The following EPB41L5 variants were observed in gnomAD, a reference collection of about 807,000 sequenced individuals.
EPB41L5 encodes the protein band 4.1-like protein 5.
EPB41L5 carries 55 observed loss-of-function variants against 106.6 expected under a neutral mutation model. The observed-to-expected ratio is 0.52, with a 90% CI of 0.42 to 0.65. The LOEUF is 0.65. EPB41L5 is among the 30% of genes least tolerant of loss of function. EPB41L5 has a pLI of 0.00. For synonymous variants in EPB41L5, 297 were observed against 306.7 expected (o/e 0.97, Z 0.33); for missense variants, 871 against 882.1 (o/e 0.99, Z 0.16).
intron 24 of EPB41L5, 115 bp from the exon 25 acceptor site, chr2:120,174,726 T>G: frequency 1.2e-6 from 1 of 847,182 alleles, no homozygotes; most frequent in Non-Finnish European, 2.1e-6. Flanking sequence ...CATATTGACT[T>G]AGGTCTGTAA....
At chr2:120,162,108 G>T (rs976451986) in intron 21 of EPB41L5, among the ~76,000 whole-genome samples, 2 of 152,128 alleles carry the variant, frequency 1.3e-5, no homozygotes, top group African/African-American at 4.8e-5. Flanking sequence ...GGGATTATAG[G>T]CAGCCTAAGT....
chr2:120,169,237 A>T (rs1213429250), intron 24 of EPB41L5, among the ~76,000 whole-genome samples: 2 of 152,252 alleles, frequency 1.3e-5, no homozygotes, highest in Non-Finnish European at 2.9e-5. Context: ...TGCTGTAAGG[A>T]AAGAATGGTC....
In EPB41L5 at chr2:120,046,504, GT is replaced by G. The variant is rs1294255099; in HGVS notation, c.285+4407del. Among the ~76,000 whole-genome samples the G allele has an allele frequency of 9.3e-4, 133 of 142,886 alleles. 1 individual carries two copies. Among genetic ancestry groups the G allele is most frequent in the East Asian group, 1.2e-3 (6 of 4,936 alleles). 93.7% of individuals were successfully genotyped at this position (142,886 alleles called of 152,430 possible). Reference sequence around the variant, plus strand: ...CTTTCGCCCACTTTTTGATGGGGTTGTTTTTTTTTTTTTCTTGTAAATTTGT... The same window carrying G: ...CTTTCGCCCACTTTTTGATGGGGTTGTTTTTTTTTTTTCTTGTAAATTTGT... On this transcript the variant is annotated intron_variant, in intron 3 of 24. Transcript: ENST00000263713.
chr2:120,093,358 C>T (rs1683541312), intron 14 of EPB41L5, 82 bp downstream of exon 14: 1 of 1,153,490 alleles, frequency 8.7e-7, no homozygotes, highest in South Asian at 1.2e-5. Context: ...TATTTAAGAC[C>T]TATCAAAATG....
chr2:120,135,755 C>G (rs1685897162), intron 18 of EPB41L5, among the ~76,000 whole-genome samples: 2 of 151,954 alleles, frequency 1.3e-5, no homozygotes, highest in Admixed American at 6.6e-5. Flanking sequence ...TTTGAAGATA[C>G]CCTTCAAACA....
intron 11 of EPB41L5, 133 bp from the exon 12 acceptor site, chr2:120,090,214 A>G: frequency 1.7e-6 from 1 of 598,634 alleles, no homozygotes; most frequent in Non-Finnish European, 2.7e-6. Flanking sequence ...TATTATGTTG[A>G]TACTATAAAG....
chr2:120,037,420 A>G (rs1471588980), intron 2 of EPB41L5, among the ~76,000 whole-genome samples: 6 of 152,252 alleles, frequency 3.9e-5, no homozygotes, highest in Admixed American at 1.3e-4. Flanking sequence ...TCTAAAATCC[A>G]TATGGAATCT....
At chr2:120,065,243 AACTGGGGG>A (rs1223409434) in intron 3 of EPB41L5, among the ~76,000 whole-genome samples, 1 of 152,006 alleles carries the variant, frequency 6.6e-6, no homozygotes, top group Non-Finnish European at 1.5e-5. Context: ...CCTCCCAAAT[AACTGGGGG>A]ACTGTAGGCA....
intron 20 of EPB41L5, among the ~76,000 whole-genome samples, chr2:120,147,573 C>T (rs1200565002): frequency 2.8e-5 from 4 of 145,244 alleles, no homozygotes; most frequent in South Asian, 2.1e-4. Context: ...TGCAGTGAGC[C>T]GTGATCGTGC....
At chr2:120,123,897 A>G (rs554299118) in intron 16 of EPB41L5, among the ~76,000 whole-genome samples, 7 of 152,040 alleles carry the variant, frequency 4.6e-5, no homozygotes, top group East Asian at 3.9e-4. Context: ...GACTCCAGCA[A>G]TCCTCCCACC....
At chr2:120,155,859 G>A (rs536158612) in intron 20 of EPB41L5, among the ~76,000 whole-genome samples, 2 of 152,058 alleles carry the variant, frequency 1.3e-5, no homozygotes, top group African/African-American at 4.8e-5. Context: ...CCACACACTG[G>A]GGCTTGCTTC....
chr2:120,111,651 A>G (rs1302019306), intron 16 of EPB41L5, among the ~76,000 whole-genome samples: 1 of 151,786 alleles, frequency 6.6e-6, no homozygotes, highest in Non-Finnish European at 1.5e-5. Flanking sequence ...TACCATCTTT[A>G]CTGCTCCCAT....
intron 16 of EPB41L5, among the ~76,000 whole-genome samples, chr2:120,107,702 A>G (rs150665454): frequency 3.3e-4 from 50 of 152,306 alleles, no homozygotes; most frequent in African/African-American, 1.1e-3. Flanking sequence ...CCCCTTTTGC[A>G]GAACATAAAC....
intron 21 of EPB41L5, among the ~76,000 whole-genome samples, chr2:120,161,998 C>T (rs1472434165): frequency 6.6e-6 from 1 of 152,176 alleles, no homozygotes; most frequent in African/African-American, 2.4e-5. Context: ...GGAATGTAAG[C>T]TGTGTGAGAG....
At chr2:120,157,462 A>G (rs1686949610) in intron 20 of EPB41L5, among the ~76,000 whole-genome samples, 1 of 152,086 alleles carries the variant, frequency 6.6e-6, no homozygotes, top group Admixed American at 6.5e-5. Flanking sequence ...GGAGATCAAG[A>G]CACAAAAAAA....
intron 3 of EPB41L5, among the ~76,000 whole-genome samples, chr2:120,047,051 T>G (rs1679830191): frequency 6.6e-6 from 1 of 152,224 alleles, no homozygotes; most frequent in South Asian, 2.1e-4. Flanking sequence ...CCATGCTGTT[T>G]TGGTTACTGT....
intron 20 of EPB41L5, among the ~76,000 whole-genome samples, chr2:120,154,309 C>T (rs895327443): frequency 1.6e-4 from 25 of 151,992 alleles, no homozygotes; most frequent in African/African-American, 5.8e-4. Flanking sequence ...CAGGCATGCA[C>T]CACCATGCCC....
In EPB41L5 at chr2:120,074,090, T is replaced by A. The variant is rs747516375; in HGVS notation, c.329-10T>A. On this transcript the variant is annotated splice_polypyrimidine_tract_variant and intron_variant, in intron 4 of 24. Coordinates refer to ENST00000263713, the MANE Select transcript of EPB41L5 (RefSeq NM_020909.4). ...ATTTTATTAAAACCTTTTTTTTTTT[T>A]AAATGACAGTTGGTTCACCCTATTG... 28 of 1,563,986 alleles carry A rather than the reference T, an allele frequency of 1.8e-5. No homozygotes were observed. Among genetic ancestry groups the A allele is most frequent in the Non-Finnish European group, 2.0e-5 (23 of 1,149,548 alleles).
At chr2:120,161,950 G>A (rs1411749965) in intron 21 of EPB41L5, among the ~76,000 whole-genome samples, 1 of 152,132 alleles carries the variant, frequency 6.6e-6, no homozygotes, top group Admixed American at 6.5e-5. Flanking sequence ...CACAAAACTG[G>A]TCCTTGGTGC....
Sources: gnomAD v4.1 joint callset for allele counts (sites outside exome capture counted in the v4.1 genomes callset) on GRCh38, gnomAD v4.1.1 for gene constraint, MANE v1.5 for transcripts, NCBI Gene and HGNC (gene_info 2026-07-23, HGNC 2026-07-21) for gene names.